Variants in CD82 observed in about 807,000 individuals in gnomAD.
CD82 encodes CD82 molecule, also known as CD82 antigen.
Under a neutral mutation model 37.4 loss-of-function variants are expected in CD82, and 36 were observed. That is an observed-to-expected ratio of 0.96 (90% CI 0.74 to 1.27). The LOEUF (loss-of-function observed/expected upper bound fraction) is 1.27, where lower values mean the gene tolerates loss of function less well. Among genes scored for constraint, CD82 ranks in the 50% most tolerant of loss-of-function variants. The pLI is 0.00. For synonymous variants in CD82, 158 were observed against 137.4 expected, an observed-to-expected ratio of 1.15 and a Z score of -1.05; for missense variants, 340 against 347.0, an observed-to-expected ratio of 0.98 and a Z score of 0.16.
At chr11:44,566,512 G>T (rs1852737680) in intron 1 of CD82, among the ~76,000 whole-genome samples, 1 of 152,186 alleles carries the variant, frequency 6.6e-6, no homozygotes, top group Admixed American at 6.5e-5. Flanking sequence ...GAGGTGGTGG[G>T]TGCTCTGTGC....
intron 1 of CD82, among the ~76,000 whole-genome samples, chr11:44,573,741 G>T (rs1852847977): frequency 6.6e-6 from 1 of 152,212 alleles, no homozygotes; most frequent in African/African-American, 2.4e-5. Flanking sequence ...GCAAGTTGCA[G>T]TCAGGGAAAC....
chr11:44,605,208 C>T (rs769348414), intron 5 of CD82, 26 bp downstream of exon 5: 21 of 1,609,932 alleles, frequency 1.3e-5, no homozygotes, highest in Non-Finnish European at 1.5e-5. Context: ...TCCGCAGCTG[C>T]CTGCCCATTT....
At chr11:44,611,408 T>C (rs1013538568) in intron 6 of CD82, among the ~76,000 whole-genome samples, 2 of 152,160 alleles carry the variant, frequency 1.3e-5, no homozygotes, top group African/African-American at 4.8e-5. Context: ...ACCACATTGA[T>C]GGAAAGAGGG....
rs1479560081 is a variant in CD82, at chr11:44,612,713, AC to A, written c.337-2557del. 1.3e-4 allele frequency among the ~76,000 whole-genome samples: 18 copies of A among 136,516 alleles called. No homozygotes were observed. The Admixed American group carries it at 1.4e-3, about 11-fold the overall frequency. The allele number at this position is 136,516 out of a possible 152,430, so 89.6% of individuals were successfully genotyped here. ...AGTGGCGTGATCTCGGCTCACTGCA[AC>A]CTCCACCTCTCGGGTTCAAGCGATT... On this transcript the variant is annotated intron_variant, in intron 6 of 9. Transcript: ENST00000227155.
intron 1 of CD82, among the ~76,000 whole-genome samples, chr11:44,567,869 A>C (rs916792549): frequency 6.6e-6 from 1 of 152,246 alleles, no homozygotes; most frequent in Non-Finnish European, 1.5e-5. Flanking sequence ...AGATTTCGGC[A>C]GCCAGAATGA....
chr11:44,607,767 C>T lies in CD82; in HGVS notation c.336+2338C>T, dbSNP rs1300144393. 2.0e-5 allele frequency among the ~76,000 whole-genome samples: 3 copies of T among 152,258 alleles called. No homozygotes were observed. The East Asian group carries it at 5.8e-4, about 29-fold the overall frequency. On this transcript the variant is annotated intron_variant, in intron 6 of 9. Coordinates refer to ENST00000227155, the MANE Select transcript of CD82 (RefSeq NM_002231.4). ...GATGCATCAGAGTGGGGATTTCCAT[C>T]CTGATGCCTTGGAGTCCAAGGCCCA...
chr11:44,591,259 C>T lies in CD82; in HGVS notation c.-20-3384C>T, dbSNP rs1449709362. Among the ~76,000 whole-genome samples, 3 of 152,198 alleles carry T rather than the reference C, an allele frequency of 2.0e-5. No homozygotes were observed. The East Asian group carries it at 5.8e-4, about 29-fold the overall frequency. ...AGGGGCCAGGCAGCCTGGGCCCTGT[C>T]CTTGCCAGTCCTCCTACTTGAGACC... is the stretch of plus-strand genomic sequence containing the variant. On this transcript the variant is annotated intron_variant, in intron 2 of 9. Transcript: ENST00000227155.
chr11:44,596,116 C>A (rs894902300), intron 3 of CD82, among the ~76,000 whole-genome samples: 1 of 152,222 alleles, frequency 6.6e-6, no homozygotes, highest in African/African-American at 2.4e-5. Flanking sequence ...CCCTGTGAGG[C>A]CCCACTGTGG....
intron 6 of CD82, among the ~76,000 whole-genome samples, chr11:44,609,271 G>T (rs1385902897): frequency 6.6e-6 from 1 of 152,228 alleles, no homozygotes; most frequent in Non-Finnish European, 1.5e-5. Flanking sequence ...CCCAGTGCAG[G>T]CAGTCAGGGA....
At chr11:44,588,894 A>G (rs1413660444) in intron 2 of CD82, among the ~76,000 whole-genome samples, 1 of 152,018 alleles carries the variant, frequency 6.6e-6, no homozygotes, top group Non-Finnish European at 1.5e-5. Context: ...GCATAAAATG[A>G]TATATTTCGT....
Position 44,619,280 on chromosome 11 carries a change from T to C in CD82, c.*154T>C, listed in dbSNP as rs1853622191. ...TAGGGGGCTTTCTGGGGCCTAGCGATCTCTCCTGGCCTATCCGCTGCCAGC... is the reference window on the plus strand; with the variant it reads ...TAGGGGGCTTTCTGGGGCCTAGCGACCTCTCCTGGCCTATCCGCTGCCAGC... On this transcript the variant is annotated 3_prime_UTR_variant, in exon 10 of 10. Coordinates refer to ENST00000227155, the MANE Select transcript of CD82 (RefSeq NM_002231.4). The C allele has an allele frequency of 3.0e-6, 2 of 661,738 alleles. No homozygotes were observed. Among genetic ancestry groups the C allele is most frequent in the South Asian group, 1.7e-5 (1 of 58,492 alleles). 41.0% of individuals were successfully genotyped at this position (661,738 alleles called of 1,614,324 possible).
At chr11:44,600,129 C>T (rs1412791818) in intron 3 of CD82, 29 bp from the exon 4 acceptor site, 1 of 1,611,860 alleles carries the variant, frequency 6.2e-7, no homozygotes, top group Admixed American at 1.7e-5. Flanking sequence ...GCTCTTGGCT[C>T]CCCATTAACT....
chr11:44,585,099 C>A (rs1434394494), intron 1 of CD82: 2 of 428,670 alleles, frequency 4.7e-6, no homozygotes, highest in East Asian at 1.4e-4. Flanking sequence ...GGCAGAGGCT[C>A]CTCCTTCCTT....
chr11:44,615,356 G>A lies in CD82; in HGVS notation c.421G>A (p.Asp141Asn). The change falls in exon 7 of 10, where the codon GAC (aspartate) becomes AAC (asparagine). Residue 141 changes from aspartate (D) to asparagine (N), a missense_variant. Coordinates refer to ENST00000227155, the MANE Select transcript of CD82 (RefSeq NM_002231.4). ...CGAGGACAGCCTGCAGGATGCCTGG[G>A]ACTACGTGCAGGCTCAGGTGAGGTG... ...SREDSLQDAW[D>N]YVQAQVKCCG... 1 of 1,611,700 alleles carries A rather than the reference G, an allele frequency of 6.2e-7. No individual in the cohort carries two copies. Among genetic ancestry groups the A allele is most frequent in the Non-Finnish European group, 8.5e-7 (1 of 1,177,848 alleles).
In CD82 at chr11:44,597,081, C is replaced by T. The variant is rs2134660819; in HGVS notation, c.63+2356C>T. 2 of 453,098 alleles carry T rather than the reference C, an allele frequency of 4.4e-6. No homozygotes were observed. Among genetic ancestry groups the T allele is most frequent in the East Asian group, 7.0e-5 (1 of 14,346 alleles). 28.1% of individuals were successfully genotyped at this position (453,098 alleles called of 1,614,324 possible). On this transcript the variant is annotated intron_variant, in intron 3 of 9. Transcript: ENST00000227155. This position sits in a 1 kb window ranked among gnomAD's most constrained non-coding sequence, Gnocchi z 4.1. ...CTCCCCAGGCATAGACCCGGCCAGC[C>T]TGCCTCTTTGTTTTATGCACATTGG...
chr11:44,565,633 G>T (rs972279245), upstream of CD82: 9 of 151,258 alleles, frequency 6.0e-5, no homozygotes, highest in Admixed American at 2.0e-4. Flanking sequence ...AGCCGGGAGG[G>T]GGCCGAGGAG....
rs774518909 is a variant in CD82 at position 44,615,287 on chromosome 11, G to T, written c.352G>T (p.Gly118Cys). 1.2e-6 allele frequency: 2 copies of T among 1,611,858 alleles called. No individual in the cohort carries two copies. Among genetic ancestry groups the T allele is most frequent in the Non-Finnish European group, 1.7e-6 (2 of 1,177,946 alleles). ...FNMGKLKQEM[G>C]GIVTELIRDY... ...CCCCCTGCAGCTGAAGCAGGAGATG[G>T]GCGGCATCGTGACTGAGCTCATTCG... Residue 118 changes from glycine to cysteine, a missense_variant, in exon 7 of 10, where the codon GGC (glycine) becomes TGC (cysteine). Physicochemically the swap from Gly to Cys is radical, Grantham distance 159. Coordinates refer to ENST00000227155, the MANE Select transcript of CD82 (RefSeq NM_002231.4).
In CD82 at chr11:44,618,235, C is replaced by A; in HGVS notation, c.512C>A (p.Thr171Asn). Residue 171 changes from threonine (T) to asparagine (N), a missense_variant, in exon 8 of 10, where the codon ACC becomes AAC. Thr to Asn is a moderately conservative substitution (Grantham distance 65). Coordinates refer to ENST00000227155, the MANE Select transcript of CD82 (RefSeq NM_002231.4). ...GAGCTCATGAATCGCCCTGAGGTCA[C>A]CTACCCCTGTTCCTGCGAAGTCAAG... is the stretch of plus-strand genomic sequence containing the variant. ...NAELMNRPEV[T>N]YPCSCEVKGE... The A allele has an allele frequency of 6.2e-7, 1 of 1,614,104 alleles. No individual in the cohort carries two copies. Among genetic ancestry groups the A allele is most frequent in the Non-Finnish European group, 8.5e-7 (1 of 1,180,030 alleles).
At position 44,619,187 on chromosome 11, in the gene CD82, CT is replaced by C; in HGVS notation, c.*62del. On this transcript the variant is annotated 3_prime_UTR_variant, in exon 10 of 10. Transcript: ENST00000227155. Reference sequence around the variant, plus strand: ...AACCTCAGGGCTCCCAGGGGTCTCCCTGGCTCCCTCCTCCAGGCCTGCCTCC... The same window carrying C: ...AACCTCAGGGCTCCCAGGGGTCTCCCGGCTCCCTCCTCCAGGCCTGCCTCC... The C allele has an allele frequency of 7.4e-7, 1 of 1,349,056 alleles. No individual in the cohort carries two copies. The highest frequency in any genetic ancestry group is 1.2e-5 in the South Asian group (1 of 85,978). The allele number at this position is 1,349,056 out of a possible 1,614,324, so 83.6% of individuals were successfully genotyped here.
Sources: gnomAD v4.1 joint callset for allele counts (sites outside exome capture counted in the v4.1 genomes callset) on GRCh38, gnomAD v4.1.1 for gene constraint, Gnocchi (gnomAD v3.1) non-coding constraint, MANE v1.5 for transcripts, NCBI Gene and HGNC (gene_info 2026-07-23, HGNC 2026-07-21) for gene names.